The following ZCWPW1 variants were observed in gnomAD, a reference collection of about 807,000 sequenced individuals.
ZCWPW1 encodes the protein zinc finger CW-type PWWP domain protein 1.
ZCWPW1 carries 56 observed loss-of-function variants against 81.3 expected under a neutral mutation model. That is an observed-to-expected ratio of 0.69 (90% CI 0.56 to 0.86). The LOEUF (loss-of-function observed/expected upper bound fraction) is 0.86. Among genes scored for constraint, ZCWPW1 ranks in the 40% least tolerant of loss-of-function variants. The pLI is 0.00. For synonymous variants in ZCWPW1, 250 were observed against 273.7 expected (o/e 0.91, Z 0.86); for missense variants, 650 against 769.8 (o/e 0.84, Z 1.84).
At chr7:100,417,010 G>T in intron 6 of ZCWPW1, 56 bp downstream of exon 6, 2 of 1,172,700 alleles carry the variant, frequency 1.7e-6, no homozygotes, top group Non-Finnish European at 1.3e-6. Flanking sequence ...TAGACTGACT[G>T]ACCATGAATG....
At chr7:100,414,425 A>C (rs1794790840) in intron 8 of ZCWPW1, among the ~76,000 whole-genome samples, 2 of 151,906 alleles carry the variant, frequency 1.3e-5, no homozygotes, top group South Asian at 4.2e-4. Context: ...CTATTTATTT[A>C]GTTTTTTAGA....
At chr7:100,412,013 G>A (rs1794269783) in intron 8 of ZCWPW1, among the ~76,000 whole-genome samples, 1 of 152,272 alleles carries the variant, frequency 6.6e-6, no homozygotes. Flanking sequence ...TGAAACACTA[G>A]TTTCCTGGGT....
chr7:100,408,499 A>C (rs755232968), intron 10 of ZCWPW1, 40 bp downstream of exon 10: 3 of 1,600,752 alleles, frequency 1.9e-6, no homozygotes, highest in South Asian at 2.2e-5. Flanking sequence ...ACCTCTCCCA[A>C]GTTTGTGAAG....
At chr7:100,401,602 A>T (rs1284192940) in intron 17 of ZCWPW1, among the ~76,000 whole-genome samples, 1 of 152,188 alleles carries the variant, frequency 6.6e-6, no homozygotes, top group Non-Finnish European at 1.5e-5. Context: ...CTATTGAAAA[A>T]AATTTAAAGG....
chr7:100,413,823 A>G (rs1721832398), intron 8 of ZCWPW1, among the ~76,000 whole-genome samples: 1 of 152,112 alleles, frequency 6.6e-6, no homozygotes, highest in South Asian at 2.1e-4. Context: ...GACTCAAGCA[A>G]GCTTCCTGCC....
chr7:100,415,841 G>C, intron 8 of ZCWPW1, 134 bp downstream of exon 8: 1 of 1,200,290 alleles, frequency 8.3e-7, no homozygotes, highest in Non-Finnish European at 1.2e-6. Context: ...TCTTTCGGCA[G>C]CATATTCTGC....
At chr7:100,414,331 G>A (rs187249882) in intron 8 of ZCWPW1, among the ~76,000 whole-genome samples, 33 of 152,300 alleles carry the variant, frequency 2.2e-4, no homozygotes, top group Non-Finnish European at 2.9e-4. Flanking sequence ...GTTTCTTAAA[G>A]TTGGAACTTG....
At chr7:100,404,327 G>A in intron 13 of ZCWPW1, 83 bp from the exon 14 acceptor site, 1 of 1,244,460 alleles carries the variant, frequency 8.0e-7, no homozygotes, top group Non-Finnish European at 1.2e-6. Flanking sequence ...ATTTAGTTAT[G>A]ATGAAATTCT....
rs149412530 is a variant in ZCWPW1, at chr7:100,422,646, A to G, written c.-29-1968T>C. On this transcript the variant is annotated intron_variant, in intron 2 of 17. Coordinates refer to ENST00000684423, the MANE Select transcript of ZCWPW1 (RefSeq NM_001386010.1). Reference sequence around the variant, plus strand: ...TTGTTACATGGGTAAATTGCATGTCATGGGATTTAGTGTACAGATAATTTT... The same window carrying G: ...TTGTTACATGGGTAAATTGCATGTCGTGGGATTTAGTGTACAGATAATTTT... Among the ~76,000 whole-genome samples the G allele has an allele frequency of 3.3e-5, 5 of 152,260 alleles. No homozygotes were observed. The East Asian group carries it at 9.6e-4, about 29-fold the overall frequency.
intron 8 of ZCWPW1, among the ~76,000 whole-genome samples, chr7:100,414,019 T>C (rs776320433): frequency 5.9e-5 from 9 of 152,240 alleles, no homozygotes; most frequent in Non-Finnish European, 7.3e-5. Flanking sequence ...TGAGTTTATA[T>C]AGTCACATAA....
chr7:100,427,777 A>G (rs1392385242), intron 1 of ZCWPW1, among the ~76,000 whole-genome samples: 1 of 149,808 alleles, frequency 6.7e-6, no homozygotes, highest in Admixed American at 6.7e-5. Flanking sequence ...AGTTCTTCCC[A>G]TTTGTGGGGC....
intron 2 of ZCWPW1, among the ~76,000 whole-genome samples, chr7:100,421,873 G>T (rs1796417410): frequency 6.6e-6 from 1 of 152,040 alleles, no homozygotes; most frequent in African/African-American, 2.4e-5. Context: ...TGTATTTTTA[G>T]TAGAGACGGA....
In ZCWPW1 at chr7:100,401,218, G is replaced by A. The variant is rs1291084780; in HGVS notation, c.1746C>T (p.Cys582=). ...TGGGCTCTTCTTTCGCAGATGAGGG[G>A]CAGGCCCCCTTACACGCTGATAGGC... The part of the protein sequence containing the change: ...NLGLSACKGA[C]PSSAKEEPRH... Residue 582 remains cysteine, a synonymous_variant, in exon 18 of 18, where the codon TGC becomes TGT. Transcript: ENST00000684423. 1 of 1,614,232 alleles carries A rather than the reference G, an allele frequency of 6.2e-7. No homozygotes were observed.
intron 8 of ZCWPW1, among the ~76,000 whole-genome samples, chr7:100,410,682 T>C (rs986494814): frequency 6.6e-6 from 1 of 152,180 alleles, no homozygotes. Flanking sequence ...CTCCCACTCC[T>C]GCATGCCCCA....
chr7:100,406,607 C>A, intron 12 of ZCWPW1, 87 bp downstream of exon 12: 1 of 1,261,644 alleles, frequency 7.9e-7, no homozygotes, highest in South Asian at 1.3e-5. Flanking sequence ...TTTCTCCCGA[C>A]ATGGCTTACC....
Position 100,416,348 on chromosome 7 carries a change from C to T in ZCWPW1, c.588G>A (p.Lys196=), listed in dbSNP as rs1383171253. The change falls in exon 7 of 18, where the codon AAG becomes AAA. Residue 196 remains lysine (K), a synonymous_variant. Coordinates refer to ENST00000684423, the MANE Select transcript of ZCWPW1 (RefSeq NM_001386010.1). ...TGCTTAAGGTGAGTCTATTGGATTTCTTCTTAGAGGGTGCAGGATCTGGCT... is the reference window on the plus strand; with the variant it reads ...TGCTTAAGGTGAGTCTATTGGATTTTTTCTTAGAGGGTGCAGGATCTGGCT... ...LGQPDPAPSK[K]KSNRLTLSKR... is the part of the protein sequence containing the mutation. The T allele has an allele frequency of 6.2e-7, 1 of 1,614,122 alleles. No homozygotes were observed. The highest frequency in any genetic ancestry group is 1.7e-5 in the Admixed American group (1 of 60,004).
At chr7:100,426,993 TC>T (rs1312878631) in intron 1 of ZCWPW1, among the ~76,000 whole-genome samples, 1 of 6,452 alleles carries the variant, frequency 1.5e-4, no homozygotes, top group African/African-American at 8.4e-4. Context: ...CCCTCTCTTC[TC>T]CTTCCCTCCC....
At chr7:100,428,182 C>T (rs752779000) in intron 1 of ZCWPW1, among the ~76,000 whole-genome samples, 6 of 152,180 alleles carry the variant, frequency 3.9e-5, no homozygotes, top group Non-Finnish European at 7.3e-5. Flanking sequence ...GACCTAAAGG[C>T]GATGGGCGGA....
chr7:100,401,718 T>C (rs1791939037), intron 17 of ZCWPW1, among the ~76,000 whole-genome samples, 171 bp downstream of exon 17: 1 of 152,224 alleles, frequency 6.6e-6, no homozygotes, highest in Admixed American at 6.5e-5. Context: ...TCAGGAATCA[T>C]TCTGTTTCTA....
Sources: allele counts gnomAD v4.1 joint callset (sites outside exome capture counted in the v4.1 genomes callset), GRCh38; gene constraint gnomAD v4.1.1; transcripts MANE v1.5; gene names NCBI Gene and HGNC (gene_info 2026-07-23, HGNC 2026-07-21).